TRAF3: variants seen among roughly 807,000 people sequenced by gnomAD.
TRAF3 encodes the protein TNF receptor-associated factor 3.
TRAF3 carries 13 observed loss-of-function variants against 62.3 expected under a neutral mutation model. The ratio of observed to expected loss-of-function variants is 0.21; its 90% CI spans 0.14 to 0.33. The LOEUF is 0.33. TRAF3 is among the 10% of genes least tolerant of loss of function. TRAF3 has a pLI of 1.00. For synonymous variants in TRAF3, 269 were observed against 283.4 expected (o/e 0.95, Z 0.51); for missense variants, 440 against 741.8 (o/e 0.59, Z 4.73).
intron 1 of TRAF3, among the ~76,000 whole-genome samples, chr14:102,791,119 A>T (rs1037074623): frequency 2.3e-4 from 35 of 149,706 alleles, no homozygotes; most frequent in African/African-American, 8.6e-4. Context: ...TCCCGGGTTC[A>T]TGCCATTCTC....
At chr14:102,862,520 A>G (rs1887741264) in intron 2 of TRAF3, among the ~76,000 whole-genome samples, 1 of 152,088 alleles carries the variant, frequency 6.6e-6, no homozygotes. Context: ...TTACTGAGAA[A>G]TCCTTGTACT....
intron 1 of TRAF3, among the ~76,000 whole-genome samples, chr14:102,795,011 T>C (rs1182732639): frequency 6.6e-6 from 1 of 152,214 alleles, no homozygotes; most frequent in African/African-American, 2.4e-5. Context: ...TTTCTCTCTG[T>C]TCTTAAAAAA....
chr14:102,777,815 G>A (rs1304908784), intron 1 of TRAF3, 140 bp downstream of exon 1: 3 of 145,446 alleles, frequency 2.1e-5, no homozygotes, highest in Non-Finnish European at 3.1e-5. Flanking sequence ...GCGCAGGCCC[G>A]GCCCGTCCCA....
intron 1 of TRAF3, among the ~76,000 whole-genome samples, chr14:102,812,109 G>C (rs71417829): frequency 6.6e-6 from 1 of 151,526 alleles, no homozygotes; most frequent in Non-Finnish European, 1.5e-5. Flanking sequence ...CAGTGCTATA[G>C]AACACTAGAC....
At chr14:102,895,549 G>A (rs1052513491) in intron 9 of TRAF3, among the ~76,000 whole-genome samples, 10 of 152,180 alleles carry the variant, frequency 6.6e-5, no homozygotes, top group Non-Finnish European at 1.2e-4. Context: ...TGGTTTTAGA[G>A]CGTACATCGT....
intron 2 of TRAF3, among the ~76,000 whole-genome samples, chr14:102,860,310 C>G (rs1007210438): frequency 6.6e-6 from 1 of 152,146 alleles, no homozygotes; most frequent in African/African-American, 2.4e-5. Flanking sequence ...CAGTGCAAAA[C>G]AGAACAGAGC....
chr14:102,897,451 G>T (rs376204693), intron 10 of TRAF3, 50 bp downstream of exon 10: 341 of 1,607,808 alleles, frequency 2.1e-4, no homozygotes, highest in Non-Finnish European at 2.7e-4. Context: ...GAGCTTGCCT[G>T]TGTTCCCCTT....
At chr14:102,857,890 A>C (rs182471993) in intron 2 of TRAF3, among the ~76,000 whole-genome samples, 1 of 152,344 alleles carries the variant, frequency 6.6e-6, no homozygotes, top group Admixed American at 6.5e-5. Context: ...ATAGTTTCCA[A>C]ATTCCAGAGA....
At chr14:102,875,945 C>A (rs1023342404) in intron 5 of TRAF3, among the ~76,000 whole-genome samples, 4 of 151,492 alleles carry the variant, frequency 2.6e-5, no homozygotes, top group South Asian at 2.1e-4. Flanking sequence ...TTTAAACACT[C>A]CCCCCCCTAC....
intron 10 of TRAF3, 24 bp downstream of exon 10, chr14:102,897,425 A>G (rs1218775727): frequency 6.2e-7 from 1 of 1,612,394 alleles, no homozygotes; most frequent in Admixed American, 1.7e-5. Flanking sequence ...GACTACGGCC[A>G]GATCAAAGGG....
intron 8 of TRAF3, 41 bp from the exon 9 acceptor site, chr14:102,891,284 C>T: frequency 6.3e-7 from 1 of 1,584,092 alleles, no homozygotes; most frequent in South Asian, 1.1e-5. Context: ...CTTTGAAATG[C>T]AGCGAGGTTC....
chr14:102,809,691 C>CGGCT (rs1566748471), intron 1 of TRAF3, among the ~76,000 whole-genome samples: 1 of 151,820 alleles, frequency 6.6e-6, no homozygotes, highest in African/African-American at 2.4e-5. Flanking sequence ...CCACCACACC[C>CGGCT]GGCTAATTTT....
At chr14:102,889,883 T>C (rs1889613172) in intron 8 of TRAF3, among the ~76,000 whole-genome samples, 1 of 152,182 alleles carries the variant, frequency 6.6e-6, no homozygotes, top group Non-Finnish European at 1.5e-5. Context: ...AAGTACTACA[T>C]CCAAAACCAG....
intron 1 of TRAF3, among the ~76,000 whole-genome samples, chr14:102,825,063 G>T (rs1595334084): frequency 6.6e-6 from 1 of 152,250 alleles, no homozygotes; most frequent in Admixed American, 6.5e-5. Context: ...GATCCAGAAG[G>T]AGTGAGCGGT....
chr14:102,831,706 A>T (rs1900698265), intron 2 of TRAF3, among the ~76,000 whole-genome samples: 1 of 151,988 alleles, frequency 6.6e-6, no homozygotes, highest in Non-Finnish European at 1.5e-5. Context: ...CTTGGCTTAG[A>T]ACTTTAATTC....
intron 1 of TRAF3, among the ~76,000 whole-genome samples, chr14:102,789,598 G>A (rs898690960): frequency 5.4e-5 from 8 of 147,770 alleles, no homozygotes; most frequent in African/African-American, 2.0e-4. Context: ...GGATATATGT[G>A]TGTGTGTGTG....
chr14:102,834,352 A>G (rs192128146), intron 2 of TRAF3, among the ~76,000 whole-genome samples: 12 of 152,234 alleles, frequency 7.9e-5, no homozygotes, highest in East Asian at 3.9e-4. Context: ...AGGACTCCCT[A>G]TTCAATCAGC....
chr14:102,789,632 T>C (rs1477701872), intron 1 of TRAF3, among the ~76,000 whole-genome samples: 1 of 151,788 alleles, frequency 6.6e-6, no homozygotes, highest in Non-Finnish European at 1.5e-5. Flanking sequence ...GTGGTATGTG[T>C]ATATGTATGT....
chr14:102,862,810 G>T (rs1887758170), intron 2 of TRAF3, among the ~76,000 whole-genome samples: 1 of 151,586 alleles, frequency 6.6e-6, no homozygotes, highest in African/African-American at 2.4e-5. Context: ...TTTTTCTTCT[G>T]TTCCTTACAC....
Sources: gnomAD v4.1 joint callset for allele counts (sites outside exome capture counted in the v4.1 genomes callset) on GRCh38, gnomAD v4.1.1 for gene constraint, MANE v1.5 for transcripts, NCBI Gene and HGNC (gene_info 2026-07-23, HGNC 2026-07-21) for gene names.